SNX2: variants seen among roughly 807,000 people sequenced by gnomAD.
SNX2 encodes sorting nexin-2.
A neutral mutation model predicts 69.9 loss-of-function variants in SNX2; 25 were observed. The observed-to-expected ratio is 0.36, with a 90% CI of 0.26 to 0.50. The LOEUF is 0.50. SNX2 is among the 20% of genes least tolerant of loss of function. SNX2 has a pLI of 0.97. For synonymous variants in SNX2, 229 were observed against 200.4 expected (o/e 1.14, Z -1.20); for missense variants, 551 against 613.3 (o/e 0.90, Z 1.07).
At chr5:122,796,133 T>C (rs1753370762) in intron 2 of SNX2, among the ~76,000 whole-genome samples, 1 of 152,196 alleles carries the variant, frequency 6.6e-6, no homozygotes, top group Non-Finnish European at 1.5e-5. Context: ...CTAAACATTT[T>C]TAACTCATGA....
chr5:122,799,555 A>G, intron 2 of SNX2, 137 bp from the exon 3 acceptor site: 2 of 529,356 alleles, frequency 3.8e-6, no homozygotes, highest in Non-Finnish European at 6.4e-6. Flanking sequence ...TTCCTTTGTG[A>G]TAATTATTTT....
chr5:122,805,084 G>T (rs1020641611), intron 6 of SNX2, among the ~76,000 whole-genome samples: 15 of 152,052 alleles, frequency 9.9e-5, no homozygotes, highest in Non-Finnish European at 1.8e-4. Flanking sequence ...CTGAGGTCAG[G>T]AGTTCGAGAC....
chr5:122,787,515 C>T (rs1017278792), intron 1 of SNX2, among the ~76,000 whole-genome samples: 3 of 150,850 alleles, frequency 2.0e-5, no homozygotes, highest in Admixed American at 1.3e-4. Flanking sequence ...GCAAGACTGT[C>T]CCCCCCCAAA....
chr5:122,807,436 T>C lies in SNX2; in HGVS notation c.644-841T>C, dbSNP rs542401182. 4.6e-5 allele frequency among the ~76,000 whole-genome samples: 7 copies of C among 152,284 alleles called. No individual in the cohort carries two copies. In the South Asian group the frequency reaches 8.3e-4, roughly 18 times the overall value. ...TCCCCAGCCCTAGGCAGTCACTAAT[T>C]TACTTTCTTTCTCTAAGTATTTACC... On this transcript the variant is annotated intron_variant, in intron 6 of 14. Transcript: ENST00000379516.
At chr5:122,817,153 C>T in intron 9 of SNX2, 125 bp downstream of exon 9, 1 of 1,113,174 alleles carries the variant, frequency 9.0e-7, no homozygotes, top group South Asian at 1.3e-5. Flanking sequence ...TCAGCCACAT[C>T]AGTTGGCCAC....
In SNX2 at chr5:122,775,130, G is replaced by T. The variant is rs775092542; in HGVS notation, c.27G>T (p.Pro9=). 18 of 1,593,940 alleles carry T rather than the reference G, an allele frequency of 1.1e-5. No homozygotes were observed. Among genetic ancestry groups the T allele is most frequent in the East Asian group, 2.3e-5 (1 of 44,032 alleles). The stretch of plus-strand genomic sequence containing the variant: ...TGGCGGCCGAGAGGGAACCTCCTCC[G>T]CTGGGGGACGGGAAGCCCACCGACT... MAAEREPP[P]LGDGKPTDFE... is the part of the protein sequence containing the mutation. The change falls in exon 1 of 15, where the codon CCG becomes CCT. Residue 9 remains proline (P), a synonymous_variant. Coordinates refer to ENST00000379516, the MANE Select transcript of SNX2 (RefSeq NM_003100.4).
At position 122,786,314 on chromosome 5, in the gene SNX2, A is replaced by G. The variant is rs148190817; in HGVS notation, c.109-8952A>G. Among the ~76,000 whole-genome samples the G allele has an allele frequency of 2.2e-4, 34 of 152,140 alleles. No homozygotes were observed. In the East Asian group the frequency reaches 6.6e-3, roughly 29 times the overall value. ...TCCAGTCTAGCCATCTCTGTTTCCTAATGGGTATATTTAGGCTATTTATTT... is the reference window on the plus strand; with the variant it reads ...TCCAGTCTAGCCATCTCTGTTTCCTGATGGGTATATTTAGGCTATTTATTT... On this transcript the variant is annotated intron_variant, in intron 1 of 14. Transcript: ENST00000379516.
At chr5:122,785,361 T>C (rs1263036979) in intron 1 of SNX2, among the ~76,000 whole-genome samples, 1 of 151,984 alleles carries the variant, frequency 6.6e-6, no homozygotes, top group African/African-American at 2.4e-5. Context: ...TTGCCCAGGC[T>C]GCTCTTGAAC....
intron 1 of SNX2, among the ~76,000 whole-genome samples, chr5:122,779,531 T>A (rs1431062444): frequency 6.6e-6 from 1 of 152,228 alleles, no homozygotes; most frequent in East Asian, 1.9e-4. Flanking sequence ...AGTATGGCTG[T>A]ACCACAGTTT....
At chr5:122,815,379 G>A (rs1428579422) in intron 7 of SNX2, among the ~76,000 whole-genome samples, 3 of 152,148 alleles carry the variant, frequency 2.0e-5, no homozygotes, top group African/African-American at 4.8e-5. Context: ...TTCTTGTCAA[G>A]TGAGGACTAA....
At position 122,833,655 on chromosome 5, in the gene SNX2, T is replaced by C. The variant is rs1754345346; in HGVS notation, c.*4007T>C. On this transcript the variant is annotated 3_prime_UTR_variant, in exon 15 of 15. Transcript: ENST00000379516. ...GACAATGCCTATTCAACTATTCAAC[T>C]TGTTTTACATTTATAAATCTCAAAA... The C allele has an allele frequency of 1.3e-5, 2 of 152,240 alleles. No individual in the cohort carries two copies. Among genetic ancestry groups the C allele is most frequent in the South Asian group, 4.1e-4 (2 of 4,838 alleles). 9.4% of individuals were successfully genotyped at this position (152,240 alleles called of 1,614,324 possible). A position where few individuals can be genotyped will look rare whatever the true frequency, so the allele number is the denominator to read the frequency against.
intron 10 of SNX2, 75 bp downstream of exon 10, chr5:122,817,448 T>G: frequency 1.1e-6 from 1 of 945,920 alleles, no homozygotes. Context: ...TTTATGAAAA[T>G]AAATATTCTG....
chr5:122,800,211 T>G (rs1297157222), intron 3 of SNX2, among the ~76,000 whole-genome samples: 4 of 152,198 alleles, frequency 2.6e-5, no homozygotes, highest in Non-Finnish European at 5.9e-5. Flanking sequence ...ATAAATACTG[T>G]TAATACTTAA....
rs530766194 is a variant in SNX2 at position 122,833,752 on chromosome 5, A to G, written c.*4104A>G. 61 of 152,330 alleles carry G rather than the reference A, an allele frequency of 4.0e-4. No homozygotes were observed. Among genetic ancestry groups the G allele is most frequent in the African/African-American group, 1.4e-3 (58 of 41,582 alleles). 9.4% of individuals were successfully genotyped at this position (152,330 alleles called of 1,614,324 possible). A position where few individuals can be genotyped will look rare whatever the true frequency, so the allele number is the denominator to read the frequency against. On this transcript the variant is annotated 3_prime_UTR_variant, in exon 15 of 15. Coordinates refer to ENST00000379516, the MANE Select transcript of SNX2 (RefSeq NM_003100.4). ...TAAAGTTTTCCAAGTTTCATTGTACACATGAAATGAGTTTACTGTGGAAAT... is the reference window on the plus strand; with the variant it reads ...TAAAGTTTTCCAAGTTTCATTGTACGCATGAAATGAGTTTACTGTGGAAAT...
chr5:122,790,612 G>A (rs141153397), intron 1 of SNX2, among the ~76,000 whole-genome samples: 72 of 152,278 alleles, frequency 4.7e-4, no homozygotes, highest in Middle Eastern at 3.4e-3. Flanking sequence ...TGTCAGAAGT[G>A]GGGGAGGAAG....
chr5:122,833,586 C>T lies in SNX2; in HGVS notation c.*3938C>T, dbSNP rs1024705189. Reference sequence around the variant, plus strand: ...CCGGCTACAATTTGATCAGTTGTCACATGTGGATGACTAGTGGCTATGATA... The same window carrying T: ...CCGGCTACAATTTGATCAGTTGTCATATGTGGATGACTAGTGGCTATGATA... On this transcript the variant is annotated 3_prime_UTR_variant, in exon 15 of 15. Coordinates refer to ENST00000379516, the MANE Select transcript of SNX2 (RefSeq NM_003100.4). 12 of 152,186 alleles carry T rather than the reference C, an allele frequency of 7.9e-5. No individual in the cohort carries two copies. Among genetic ancestry groups the T allele is most frequent in the Non-Finnish European group, 1.8e-4 (12 of 68,028 alleles). 9.4% of individuals were successfully genotyped at this position (152,186 alleles called of 1,614,324 possible).
intron 11 of SNX2, among the ~76,000 whole-genome samples, chr5:122,823,998 G>A (rs900062493): frequency 3.9e-4 from 60 of 151,976 alleles, no homozygotes; most frequent in East Asian, 1.9e-4. Flanking sequence ...TCAGGAGATC[G>A]AGACCATCCT....
chr5:122,803,480 T>C lies in SNX2; in HGVS notation c.510T>C (p.Leu170=). Residue 170 remains leucine, a synonymous_variant, in exon 6 of 15, where the codon CTT becomes CTC. Transcript: ENST00000379516. The part of the protein sequence containing the change: ...MAYRVTTKTS[L]SMFSKSEFSV... ...CTCTTCTTCACTTGTAGACATCTCT[T>C]TCCATGTTCAGTAAGAGTGAATTTT... The C allele has an allele frequency of 6.2e-7, 1 of 1,608,540 alleles. No homozygotes were observed.
intron 11 of SNX2, among the ~76,000 whole-genome samples, chr5:122,823,776 G>C (rs1754082463): frequency 4.5e-5 from 5 of 110,956 alleles, no homozygotes; most frequent in Admixed American, 1.0e-4. Context: ...TCCAACATGT[G>C]GTCGTGTGTG....
Sources: allele counts gnomAD v4.1 joint callset (sites outside exome capture counted in the v4.1 genomes callset), GRCh38; gene constraint gnomAD v4.1.1; transcripts MANE v1.5; gene names NCBI Gene and HGNC (gene_info 2026-07-23, HGNC 2026-07-21).